The following VAT1 variants were observed in gnomAD, a reference collection of about 807,000 sequenced individuals.
The protein encoded by VAT1 is NADPH-dependent quinone oxidoreductase VAT1.
In VAT1, 24 loss-of-function variants were observed where a neutral mutation model predicts 33.3. The observed-to-expected ratio is 0.72, with a 90% CI of 0.52 to 1.01. The LOEUF (loss-of-function observed/expected upper bound fraction) is 1.01. VAT1 is among the 50% of genes least tolerant of loss of function. The pLI, the probability that VAT1 is intolerant of heterozygous loss-of-function variation, is 0.00. For missense variants in VAT1, 436 were observed against 533.7 expected, an observed-to-expected ratio of 0.82 and a Z score of 1.80; for synonymous variants, 212 against 225.0, an observed-to-expected ratio of 0.94 and a Z score of 0.52.
chr17:43,014,640 A>C lies in VAT1; in HGVS notation c.*1421T>G. 3 of 202,532 alleles carry C rather than the reference A, an allele frequency of 1.5e-5. No homozygotes were observed. Among genetic ancestry groups the C allele is most frequent in the East Asian group, 1.2e-4 (1 of 8,616 alleles). 12.5% of individuals were successfully genotyped at this position (202,532 alleles called of 1,614,324 possible). A position where few individuals can be genotyped will look rare whatever the true frequency, so the allele number is the denominator to read the frequency against. ...GGCTTTTTATTGACACAAACACACA[A>C]AGGCAGCTGTGGTAATGGGGTGGTG... On this transcript the variant is annotated 3_prime_UTR_variant, in exon 6 of 6. Coordinates refer to ENST00000355653, the MANE Select transcript of VAT1 (RefSeq NM_006373.4).
intron 1 of VAT1, among the ~76,000 whole-genome samples, chr17:43,020,574 C>A (rs918818875): frequency 2.6e-5 from 4 of 151,988 alleles, no homozygotes; most frequent in African/African-American, 7.2e-5. Context: ...ATTGAGGGGT[C>A]TGATTTAAAA....
intron 5 of VAT1, 58 bp downstream of exon 5, chr17:43,016,249 G>A (rs1484714341): frequency 6.2e-7 from 1 of 1,607,510 alleles, no homozygotes; most frequent in East Asian, 2.2e-5. Flanking sequence ...TCTGCCCCTT[G>A]GGACCCCAGC....
At chr17:43,018,302 T>C in intron 2 of VAT1, 96 bp from the exon 3 acceptor site, 1 of 1,406,866 alleles carries the variant, frequency 7.1e-7, no homozygotes, top group Non-Finnish European at 9.7e-7. Context: ...TCACCTTCAT[T>C]TTGCCTACGC....
chr17:43,016,066 T>C lies in VAT1; in HGVS notation c.1177A>G (p.Asn393Asp). The C allele has an allele frequency of 6.2e-7, 1 of 1,614,124 alleles. No individual in the cohort carries two copies. Among genetic ancestry groups the C allele is most frequent in the Non-Finnish European group, 8.5e-7 (1 of 1,179,996 alleles). The change falls in exon 6 of 6, where the codon AAC becomes GAC. Residue 393 changes from asparagine (N) to aspartate (D), a missense_variant. Physicochemically the swap from Asn to Asp is conservative, Grantham distance 23. Transcript: ENST00000355653. The stretch of plus-strand genomic sequence containing the variant: ...GGGTCTCACAGCCACTTGCCCTAGT[T>C]CTCCTTCTCTGGCCCTGGAACCAGG... ...VLLVPGPEKE[N>D]
At position 43,015,924 on chromosome 17, in the gene VAT1, G is replaced by T. The variant is rs1597782988; in HGVS notation, c.*137C>A. 1.0e-6 allele frequency: 1 copy of T among 957,972 alleles called. No individual in the cohort carries two copies. Among genetic ancestry groups the T allele is most frequent in the Non-Finnish European group, 1.6e-6 (1 of 613,108 alleles). The allele number at this position is 957,972 out of a possible 1,614,324, so 59.3% of individuals were successfully genotyped here. On this transcript the variant is annotated 3_prime_UTR_variant, in exon 6 of 6. Coordinates refer to ENST00000355653, the MANE Select transcript of VAT1 (RefSeq NM_006373.4). ...AAGCGGGGAGGGGCAGGGGAGAGCG[G>T]TCATCACCACAGAGACCTTCGGGGG...
At chr17:43,017,558 G>A (rs2050530648) in intron 4 of VAT1, among the ~76,000 whole-genome samples, 1 of 140,132 alleles carries the variant, frequency 7.1e-6, no homozygotes, top group South Asian at 2.3e-4. Context: ...CTCCAGCCTG[G>A]GCGACAAGAG....
rs186523955 is a variant in VAT1, at chr17:43,014,686, C to G, written c.*1375G>C. The G allele has an allele frequency of 6.0e-6, 1 of 167,438 alleles. No homozygotes were observed. Among genetic ancestry groups the G allele is most frequent in the African/African-American group, 2.4e-5 (1 of 41,890 alleles). The allele number at this position is 167,438 out of a possible 1,614,324, so 10.4% of individuals were successfully genotyped here. On this transcript the variant is annotated 3_prime_UTR_variant, in exon 6 of 6. Transcript: ENST00000355653. Reference sequence around the variant, plus strand: ...TGGTGGGGTACACAAAAGCAGAAATCGCACTTCACACATTTAGGCCTCATT... The same window carrying G: ...TGGTGGGGTACACAAAAGCAGAAATGGCACTTCACACATTTAGGCCTCATT...
rs568751698 is a variant in VAT1, at chr17:43,020,247, C to T, written c.388-1448G>A. The stretch of plus-strand genomic sequence containing the variant: ...GGGAGAGAGAGGGAAGGGCCCTCCC[C>T]GCAGAATCCAGGCTCTTACATCAGA... On this transcript the variant is annotated intron_variant, in intron 1 of 5. Coordinates refer to ENST00000355653, the MANE Select transcript of VAT1 (RefSeq NM_006373.4). The T allele has an allele frequency of 4.7e-5, 46 of 985,430 alleles. 1 individual carries two copies. The East Asian group carries it at 1.0e-3, about 22-fold the overall frequency. The allele number at this position is 985,430 out of a possible 1,614,324, so 61.0% of individuals were successfully genotyped here.
In VAT1 at chr17:43,022,030, C is replaced by G; in HGVS notation, c.293G>C (p.Gly98Ala). The change falls in exon 1 of 6, where the codon GGG (glycine) becomes GCG (alanine). Residue 98 changes from glycine to alanine, a missense_variant. Transcript: ENST00000355653. ...LNFADLMARQ[G>A]LYDRLPPLPV... ...CAGAGGCGGGAGACGGTCGTACAGCCCCTGCCTAGCCATGAGGTCTGCGAA... is the reference window on the plus strand; with the variant it reads ...CAGAGGCGGGAGACGGTCGTACAGCGCCTGCCTAGCCATGAGGTCTGCGAA... The G allele has an allele frequency of 6.2e-7, 1 of 1,607,458 alleles. No homozygotes were observed. Among genetic ancestry groups the G allele is most frequent in the Non-Finnish European group, 8.5e-7 (1 of 1,178,464 alleles).
At position 43,018,606 on chromosome 17, in the gene VAT1, A is replaced by T; in HGVS notation, c.581T>A (p.Val194Glu). ...GNLQPGHSVLVHMAAGGVGMA... is the reference protein window; with the variant it reads ...GNLQPGHSVLEHMAAGGVGMA... ...GGACCTGTCACCTGCAGCCATGTGTACCAAGACGCTGTGGCCAGGCTGTAG... is the reference window on the plus strand; with the variant it reads ...GGACCTGTCACCTGCAGCCATGTGTTCCAAGACGCTGTGGCCAGGCTGTAG... Residue 194 changes from valine to glutamate, a missense_variant, in exon 2 of 6, where the codon GTA (valine) becomes GAA (glutamate). Physicochemically the swap from Val to Glu is moderately radical, Grantham distance 121. Coordinates refer to ENST00000355653, the MANE Select transcript of VAT1 (RefSeq NM_006373.4). 6.2e-7 allele frequency: 1 copy of T among 1,613,728 alleles called. No homozygotes were observed. Among genetic ancestry groups the T allele is most frequent in the Non-Finnish European group, 8.5e-7 (1 of 1,180,024 alleles).
intron 2 of VAT1, 108 bp from the exon 3 acceptor site, chr17:43,018,314 C>T: frequency 7.7e-7 from 1 of 1,298,836 alleles, no homozygotes; most frequent in South Asian, 1.4e-5. Context: ...TGCCTACGCT[C>T]ATTTTAGGGC....
intron 1 of VAT1, among the ~76,000 whole-genome samples, chr17:43,020,594 C>G (rs2050558170): frequency 6.6e-6 from 1 of 152,094 alleles, no homozygotes; most frequent in Non-Finnish European, 1.5e-5. Context: ...AAGGAAACTC[C>G]TGGCCAAGCG....
At position 43,018,576 on chromosome 17, in the gene VAT1, T is replaced by C. The variant is rs756792817; in HGVS notation, c.595+16A>G. 1 of 1,612,302 alleles carries C rather than the reference T, an allele frequency of 6.2e-7. No homozygotes were observed. Among genetic ancestry groups the C allele is most frequent in the Admixed American group, 1.7e-5 (1 of 59,966 alleles). ...CTGGGTGGGGTAAGGGGTGATAAAG[T>C]GAGGGGACCTGTCACCTGCAGCCAT... On this transcript the variant is annotated intron_variant, in intron 2 of 5. Coordinates refer to ENST00000355653, the MANE Select transcript of VAT1 (RefSeq NM_006373.4).
At position 43,015,914 on chromosome 17, in the gene VAT1, G is replaced by T; in HGVS notation, c.*147C>A. ...AGAGGTCAGGAAGCGGGGAGGGGCA[G>T]GGGAGAGCGGTCATCACCACAGAGA... is the stretch of plus-strand genomic sequence containing the variant. On this transcript the variant is annotated 3_prime_UTR_variant, in exon 6 of 6. Coordinates refer to ENST00000355653, the MANE Select transcript of VAT1 (RefSeq NM_006373.4). The T allele has an allele frequency of 2.3e-6, 2 of 863,046 alleles. No homozygotes were observed. Among genetic ancestry groups the T allele is most frequent in the Non-Finnish European group, 3.8e-6 (2 of 531,588 alleles). The allele number at this position is 863,046 out of a possible 1,614,324, so 53.5% of individuals were successfully genotyped here. A position where few individuals can be genotyped will look rare whatever the true frequency, so the allele number is the denominator to read the frequency against.
intron 1 of VAT1, chr17:43,020,225 A>T: frequency 1.0e-6 from 1 of 984,422 alleles, no homozygotes; most frequent in Non-Finnish European, 1.2e-6. Context: ...AGGAGGAGGG[A>T]GAGAGAGGGA....
In VAT1 at chr17:43,018,764, C is replaced by G; in HGVS notation, c.423G>C (p.Gly141=). Residue 141 remains glycine (G), a synonymous_variant, in exon 2 of 6, where the codon GGG becomes GGC. Transcript: ENST00000355653. ...GDRVMVLNRS[G]MWQEEVTVPS... ...GCACAGTCACCTCTTCCTGCCACAT[C>G]CCTGACCGGTTCAACACCATCACCC... The G allele has an allele frequency of 1.2e-6, 2 of 1,614,158 alleles. No homozygotes were observed. The highest frequency in any genetic ancestry group is 1.7e-6 in the Non-Finnish European group (2 of 1,180,030).
intron 1 of VAT1, among the ~76,000 whole-genome samples, chr17:43,020,574 C>G (rs918818875): frequency 6.6e-6 from 1 of 151,988 alleles, no homozygotes. Context: ...ATTGAGGGGT[C>G]TGATTTAAAA....
chr17:43,018,963 T>C, intron 1 of VAT1, 164 bp from the exon 2 acceptor site: 2 of 727,066 alleles, frequency 2.8e-6, no homozygotes, highest in East Asian at 2.7e-5. Context: ...TCAACAACAA[T>C]AACAACTCAC....
In VAT1 at chr17:43,018,028, C is replaced by T. The variant is rs1405009932; in HGVS notation, c.766+8G>A. The T allele has an allele frequency of 1.9e-6, 3 of 1,611,582 alleles. No individual in the cohort carries two copies. Among genetic ancestry groups the T allele is most frequent in the Non-Finnish European group, 2.5e-6 (3 of 1,178,164 alleles). On this transcript the variant is annotated splice_region_variant and intron_variant, in intron 3 of 5. Transcript: ENST00000355653. ...CCTCCCTACCCCCTCCCATATTATGCCCCCCACCTTTAGGGGAAATCTTCT... is the reference window on the plus strand; with the variant it reads ...CCTCCCTACCCCCTCCCATATTATGTCCCCCACCTTTAGGGGAAATCTTCT...
Sources: allele counts gnomAD v4.1 joint callset (sites outside exome capture counted in the v4.1 genomes callset), GRCh38; gene constraint gnomAD v4.1.1; transcripts MANE v1.5; gene names NCBI Gene and HGNC (gene_info 2026-07-23, HGNC 2026-07-21).